The following NEMP2 variants were observed in gnomAD, a reference collection of about 807,000 sequenced individuals.
The protein encoded by NEMP2 is UPF0571 transmembrane protein.
A neutral mutation model predicts 54.2 loss-of-function variants in NEMP2; 53 were observed. The observed-to-expected ratio is 0.98, with a 90% CI of 0.78 to 1.23. The LOEUF is 1.23. NEMP2 is among the 50% of genes most tolerant of loss of function. The pLI is 0.00. For missense variants in NEMP2, 455 were observed against 511.3 expected (o/e 0.89, Z 1.06); for synonymous variants, 197 against 190.3 (o/e 1.04, Z -0.29).
chr2:190,485,606 T>C, the NEMP2 span, among the ~76,000 whole-genome samples: 1 of 152,118 alleles, frequency 6.6e-6, no homozygotes, highest in Non-Finnish European at 1.5e-5. The surrounding 1 kb of genome is among the most constrained non-coding windows in gnomAD (Gnocchi z 5.1). Context: ...GAAATGAAAA[T>C]ACTTACAATT....
At chr2:190,602,750 G>A in the NEMP2 span, among the ~76,000 whole-genome samples, 3 of 152,192 alleles carry the variant, frequency 2.0e-5, no homozygotes, top group Admixed American at 6.5e-5. Context: ...GGCAGAGAAT[G>A]GGGAGAAAGG....
Position 190,512,846 on chromosome 2 carries a change from G to T in NEMP2, c.953+1607C>A, listed in dbSNP as rs74730625. ...CCCTGCCCTGCTGCCTTTCAGCCCC[G>T]CCAGCATCTTCTGTGCGGGCTCCCT... On this transcript the variant is annotated intron_variant, in intron 7 of 8. Transcript: ENST00000409150. This position sits in a 1 kb window ranked among gnomAD's most constrained non-coding sequence, Gnocchi z 4.5. Among the ~76,000 whole-genome samples the T allele has an allele frequency of 2.6e-5, 4 of 152,150 alleles. No homozygotes were observed. The highest frequency in any genetic ancestry group is 4.4e-5 in the Non-Finnish European group (3 of 68,018).
the NEMP2 span, among the ~76,000 whole-genome samples, chr2:190,631,623 T>C: frequency 6.6e-6 from 1 of 152,256 alleles, no homozygotes; most frequent in African/African-American, 2.4e-5. Context: ...ATTTGGATAA[T>C]ATAGATCAAT....
the NEMP2 span, among the ~76,000 whole-genome samples, chr2:190,559,401 G>C: frequency 6.6e-6 from 1 of 152,156 alleles, no homozygotes; most frequent in Admixed American, 6.5e-5. The surrounding 1 kb of genome is among the most constrained non-coding windows in gnomAD (Gnocchi z 4.0). Flanking sequence ...ACCCTTGAGC[G>C]TATGAGTTCT....
chr2:190,573,746 G>T, the NEMP2 span, among the ~76,000 whole-genome samples: 9 of 152,184 alleles, frequency 5.9e-5, no homozygotes, highest in Admixed American at 2.0e-4. Flanking sequence ...GAGATAATAT[G>T]CATAAGATGT....
At chr2:190,550,479 C>G in the NEMP2 span, among the ~76,000 whole-genome samples, 1 of 152,176 alleles carries the variant, frequency 6.6e-6, no homozygotes, top group African/African-American at 2.4e-5. The surrounding 1 kb of genome is among the most constrained non-coding windows in gnomAD (Gnocchi z 4.7). Flanking sequence ...TGGGGGGACA[C>G]AAACATTCAA....
Position 190,527,010 on chromosome 2 carries a change from T to G in NEMP2, c.98-1632A>C, listed in dbSNP as rs1164149268. Among the ~76,000 whole-genome samples the G allele has an allele frequency of 6.6e-6, 1 of 152,184 alleles. No homozygotes were observed. The highest frequency in any genetic ancestry group is 1.5e-5 in the Non-Finnish European group (1 of 68,034). ...ATTTTCTTCTGTGGTCGTTGCTGTATTTGGATTTGAAATGAAGTGGAATGA... is the reference window on the plus strand; with the variant it reads ...ATTTTCTTCTGTGGTCGTTGCTGTAGTTGGATTTGAAATGAAGTGGAATGA... On this transcript the variant is annotated intron_variant, in intron 1 of 8. Transcript: ENST00000409150. The surrounding 1 kb of genome is among the most constrained non-coding windows in gnomAD (Gnocchi z 4.0).
the NEMP2 span, among the ~76,000 whole-genome samples, chr2:190,589,104 C>T: frequency 6.6e-6 from 1 of 152,134 alleles, no homozygotes; most frequent in Non-Finnish European, 1.5e-5. The surrounding 1 kb of genome is among the most constrained non-coding windows in gnomAD (Gnocchi z 4.3). Context: ...ACACTCTGTA[C>T]TTTGGGGCCC....
chr2:190,482,090 T>C, the NEMP2 span, among the ~76,000 whole-genome samples: 1 of 152,202 alleles, frequency 6.6e-6, no homozygotes, highest in Non-Finnish European at 1.5e-5. Context: ...GGAAATTGTA[T>C]GGGTCAGGTG....
chr2:190,646,486 T>C, the NEMP2 span, among the ~76,000 whole-genome samples: 1 of 152,228 alleles, frequency 6.6e-6, no homozygotes, highest in Admixed American at 6.5e-5. Context: ...GCTACCATAT[T>C]GACTACAGTG....
the NEMP2 span, among the ~76,000 whole-genome samples, chr2:190,473,603 A>G: frequency 6.6e-6 from 1 of 152,140 alleles, no homozygotes; most frequent in African/African-American, 2.4e-5. Flanking sequence ...AGAGACTTAG[A>G]CTCCCACACA....
chr2:190,510,243 C>T lies in NEMP2; in HGVS notation c.1130+118G>A. 8.2e-7 allele frequency: 1 copy of T among 1,226,356 alleles called. No homozygotes were observed. The highest frequency in any genetic ancestry group is 2.8e-4 in the Middle Eastern group (1 of 3,518). 76.0% of individuals were successfully genotyped at this position (1,226,356 alleles called of 1,614,324 possible). ...AAGGGACCTCTGACAACTTCCACAT[C>T]ATCTGTTATCCAGGGAAACAGTCTA... On this transcript the variant is annotated intron_variant, in intron 8 of 8. Coordinates refer to ENST00000409150, the MANE Select transcript of NEMP2 (RefSeq NM_001142645.2). This position sits in a 1 kb window ranked among gnomAD's most constrained non-coding sequence, Gnocchi z 5.7.
chr2:190,502,375 G>A (rs1207692682), downstream of NEMP2: 2 of 152,220 alleles, frequency 1.3e-5, no homozygotes, highest in Non-Finnish European at 2.9e-5. This position sits in a 1 kb window ranked among gnomAD's most constrained non-coding sequence, Gnocchi z 4.4. Context: ...GGGTGTCACA[G>A]AGCCCAGGCT....
the NEMP2 span, among the ~76,000 whole-genome samples, chr2:190,434,727 C>T: frequency 6.6e-5 from 10 of 152,138 alleles, no homozygotes; most frequent in South Asian, 8.3e-4. The surrounding 1 kb of genome is among the most constrained non-coding windows in gnomAD (Gnocchi z 4.3). Flanking sequence ...CCACCGCGCC[C>T]GGCCAAAACA....
the NEMP2 span, among the ~76,000 whole-genome samples, chr2:190,604,976 C>T: frequency 1.3e-5 from 2 of 152,108 alleles, no homozygotes; most frequent in Non-Finnish European, 2.9e-5. The surrounding 1 kb of genome is among the most constrained non-coding windows in gnomAD (Gnocchi z 4.5). Context: ...TGACTTTTCC[C>T]TTTTTCATGC....
At chr2:190,572,577 T>C in the NEMP2 span, among the ~76,000 whole-genome samples, 1 of 152,102 alleles carries the variant, frequency 6.6e-6, no homozygotes, top group South Asian at 2.1e-4. Flanking sequence ...ATGGAGCATG[T>C]TAGCAGTTTT....
chr2:190,442,229 A>G, the NEMP2 span, among the ~76,000 whole-genome samples: 1 of 152,192 alleles, frequency 6.6e-6, no homozygotes, highest in African/African-American at 2.4e-5. Flanking sequence ...GTATTATTCT[A>G]TATTACTTAA....
chr2:190,632,062 A>T, the NEMP2 span, among the ~76,000 whole-genome samples: 1 of 152,222 alleles, frequency 6.6e-6, no homozygotes, highest in South Asian at 2.1e-4. This position sits in a 1 kb window ranked among gnomAD's most constrained non-coding sequence, Gnocchi z 4.8. Flanking sequence ...GTCTCAAAAA[A>T]AGAAAAAAGA....
At chr2:190,551,083 CT>C in the NEMP2 span, among the ~76,000 whole-genome samples, 40,166 of 139,966 alleles carry the variant, frequency 0.29, 6,292 homozygotes, top group East Asian at 0.46. Context: ...AGCCAATGGA[CT>C]TTTTTTTTTT....
Sources: gnomAD v4.1 joint callset for allele counts (sites outside exome capture counted in the v4.1 genomes callset) on GRCh38, gnomAD v4.1.1 for gene constraint, Gnocchi (gnomAD v3.1) non-coding constraint, MANE v1.5 for transcripts, NCBI Gene and HGNC (gene_info 2026-07-23, HGNC 2026-07-21) for gene names.